The following RRM2B variants were observed in gnomAD, a reference collection of about 807,000 sequenced individuals.
RRM2B encodes ribonucleoside-diphosphate reductase subunit M2 B.
In RRM2B, 20 loss-of-function variants were observed where a neutral mutation model predicts 45.9. The observed-to-expected ratio is 0.44, with a 90% CI of 0.31 to 0.63. The LOEUF (loss-of-function observed/expected upper bound fraction) is 0.63. RRM2B is among the 30% of genes least tolerant of loss of function. RRM2B has a pLI of 0.09. For synonymous variants in RRM2B, 124 were observed against 132.3 expected (o/e 0.94, Z 0.43); for missense variants, 320 against 414.7 (o/e 0.77, Z 1.98).
chr8:102,230,926 A>C (rs761473918), intron 2 of RRM2B, among the ~76,000 whole-genome samples: 3 of 152,236 alleles, frequency 2.0e-5, no homozygotes, highest in Non-Finnish European at 4.4e-5. Context: ...TCCCAGTTCC[A>C]TAGCTAGTAA....
chr8:102,232,421 G>T, intron 1 of RRM2B, 117 bp from the exon 2 acceptor site: 1 of 1,004,422 alleles, frequency 1.0e-6, no homozygotes, highest in Non-Finnish European at 1.5e-6. Context: ...CTGTCTGCCT[G>T]GGTTGAATCC....
At chr8:102,237,606 A>C (rs1717133708) in intron 1 of RRM2B, among the ~76,000 whole-genome samples, 1 of 152,256 alleles carries the variant, frequency 6.6e-6, no homozygotes, top group South Asian at 2.1e-4. Context: ...TTCTGAATCT[A>C]AAATTCTGTC....
rs898115541 is a variant in RRM2B at position 102,212,644 on chromosome 8, A to G, written c.903+132T>C. ...GGATTTTGCAAAACCTTGTTCATAC[A>G]AAACAAGTCTCTGTCATTGACATTT... On this transcript the variant is annotated intron_variant, in intron 8 of 8. Transcript: ENST00000251810. The G allele has an allele frequency of 5.0e-6, 3 of 598,130 alleles. No individual in the cohort carries two copies. The African/African-American group carries it at 5.6e-5, about 11-fold the overall frequency. 37.1% of individuals were successfully genotyped at this position (598,130 alleles called of 1,614,324 possible). A position where few individuals can be genotyped will look rare whatever the true frequency, so the allele number is the denominator to read the frequency against.
At position 102,228,630 on chromosome 8, in the gene RRM2B, C is replaced by T. The variant is rs1385710848; in HGVS notation, c.205-2596G>A. Among the ~76,000 whole-genome samples the T allele has an allele frequency of 2.0e-5, 3 of 152,326 alleles. No individual in the cohort carries two copies. The East Asian group carries it at 5.8e-4, about 29-fold the overall frequency. ...GGGGCTTCAAGGGTTGTGGGTACTC[C>T]TCACAGATGCTGCCATGAGGCCTGC... On this transcript the variant is annotated intron_variant, in intron 2 of 8. Transcript: ENST00000251810.
chr8:102,208,045 G>T lies in RRM2B; in HGVS notation c.*88C>A. ...TTGAGCAAACCCCCAGTCCTTTAAA[G>T]GATATACTTAAAATTTTTTTTAAGC... On this transcript the variant is annotated 3_prime_UTR_variant, in exon 9 of 9. Coordinates refer to ENST00000251810, the MANE Select transcript of RRM2B (RefSeq NM_015713.5). 1 of 1,083,314 alleles carries T rather than the reference G, an allele frequency of 9.2e-7. No individual in the cohort carries two copies. Among genetic ancestry groups the T allele is most frequent in the Non-Finnish European group, 1.4e-6 (1 of 716,456 alleles). The allele number at this position is 1,083,314 out of a possible 1,614,324, so 67.1% of individuals were successfully genotyped here. A position where few individuals can be genotyped will look rare whatever the true frequency, so the allele number is the denominator to read the frequency against.
At chr8:102,211,280 G>A (rs1230909272) in intron 8 of RRM2B, among the ~76,000 whole-genome samples, 2 of 152,246 alleles carry the variant, frequency 1.3e-5, no homozygotes, top group Admixed American at 1.3e-4. Flanking sequence ...AGAGGTGTGA[G>A]CCACCGCACC....
chr8:102,208,251 T>C lies in RRM2B; in HGVS notation c.938A>G (p.Glu313Gly). ...TGTTTTTCCTTCTAAAGAAATGTTT[T>C]CCATAAAATCAAAAGGATTTTCTGC... ...FQAENPFDFM[E>G]NISLEGKTNF... The change falls in exon 9 of 9, where the codon GAA becomes GGA. Residue 313 changes from glutamate to glycine, a missense_variant. By Grantham distance (98) the Glu-to-Gly change is moderately conservative. Coordinates refer to ENST00000251810, the MANE Select transcript of RRM2B (RefSeq NM_015713.5). The C allele has an allele frequency of 1.3e-6, 2 of 1,585,456 alleles. No homozygotes were observed. The highest frequency in any genetic ancestry group is 1.3e-5 in the African/African-American group (1 of 74,302).
chr8:102,222,483 AGTGTG>A lies in RRM2B; in HGVS notation c.550+1558_550+1562del, dbSNP rs1230324265. Among the ~76,000 whole-genome samples, 21 of 152,220 alleles carry A rather than the reference AGTGTG, an allele frequency of 1.4e-4. 1 individual carries two copies. Among genetic ancestry groups the A allele is most frequent in the African/African-American group, 5.1e-4 (21 of 41,448 alleles). On this transcript the variant is annotated intron_variant, in intron 5 of 8. Transcript: ENST00000251810. ...ATACGCACTATATCACTGGTTCTTC[AGTGTG>A]GTCCAAGAGTCCCTGAGAGATCCAC...
chr8:102,217,551 A>G (rs1810752028), intron 6 of RRM2B, among the ~76,000 whole-genome samples: 1 of 152,214 alleles, frequency 6.6e-6, no homozygotes, highest in African/African-American at 2.4e-5. Flanking sequence ...CAAGGTTCAG[A>G]GAAGTTAAGG....
intron 2 of RRM2B, among the ~76,000 whole-genome samples, chr8:102,231,486 C>T (rs1391145980): frequency 6.6e-6 from 1 of 152,178 alleles, no homozygotes; most frequent in Non-Finnish European, 1.5e-5. Flanking sequence ...CATTTTTTGA[C>T]TACAGCTGCA....
At chr8:102,225,129 A>G (rs1374373569) in intron 3 of RRM2B, 111 bp from the exon 4 acceptor site, 1 of 1,070,434 alleles carries the variant, frequency 9.3e-7, no homozygotes, top group Admixed American at 1.9e-5. Context: ...GTCATGTAAC[A>G]AACAGGTCAG....
intron 1 of RRM2B, among the ~76,000 whole-genome samples, chr8:102,237,354 G>A (rs190369449): frequency 2.6e-5 from 4 of 152,134 alleles, no homozygotes; most frequent in Admixed American, 6.5e-5. Flanking sequence ...ACAGTGGGGG[G>A]TTTTTTGTTT....
In RRM2B at chr8:102,205,724, C is replaced by G. The variant is rs1017981106; in HGVS notation, c.*2409G>C. The stretch of plus-strand genomic sequence containing the variant: ...CACTCTTAATTTTTTTCTTTATCTG[C>G]AAGATAATATTTTTAAAAGATTACA... On this transcript the variant is annotated 3_prime_UTR_variant, in exon 9 of 9. Transcript: ENST00000251810. The G allele has an allele frequency of 6.6e-6, 1 of 151,958 alleles. No homozygotes were observed. Among genetic ancestry groups the G allele is most frequent in the Non-Finnish European group, 1.5e-5 (1 of 67,928 alleles). 9.4% of individuals were successfully genotyped at this position (151,958 alleles called of 1,614,324 possible).
intron 8 of RRM2B, among the ~76,000 whole-genome samples, chr8:102,210,292 T>C (rs1274148776): frequency 6.6e-6 from 1 of 152,126 alleles, no homozygotes; most frequent in African/African-American, 2.4e-5. Flanking sequence ...AGTGAGGGAA[T>C]ATTGGAGCTG....
chr8:102,233,105 G>A (rs1811060280), intron 1 of RRM2B, among the ~76,000 whole-genome samples: 1 of 152,178 alleles, frequency 6.6e-6, no homozygotes, highest in South Asian at 2.1e-4. Flanking sequence ...ATACAAATAA[G>A]CTAAACGTGT....
At position 102,232,473 on chromosome 8, in the gene RRM2B, G is replaced by C. The variant is rs187730329; in HGVS notation, c.49-169C>G. Among the ~76,000 whole-genome samples, 177 of 152,298 alleles carry C rather than the reference G, an allele frequency of 1.2e-3. No homozygotes were observed. The highest frequency in any genetic ancestry group is 3.4e-3 in the Middle Eastern group (1 of 294). On this transcript the variant is annotated intron_variant, in intron 1 of 8. Transcript: ENST00000251810. ...GCTGACTAATACTGTTAGGAAGTGC[G>C]TGTGTGACCATAGAAAGCTGCTTAA...
chr8:102,218,923 G>A lies in RRM2B; in HGVS notation c.575C>T (p.Ala192Val). ...TFGERVVAFAAVEGVFFSGSF... is the reference protein window; with the variant it reads ...TFGERVVAFAVVEGVFFSGSF... The stretch of plus-strand genomic sequence containing the variant: ...TCCTGAGAAGAAAACTCCTTCTACA[G>A]CAGCAAAGGCCACCACTCTTTCCCC... Residue 192 changes from alanine (A) to valine (V), a missense_variant, in exon 6 of 9, where the codon GCT becomes GTT. Physicochemically the swap from Ala to Val is moderately conservative, Grantham distance 64 (BLOSUM62 0). Around this residue, in one of 3 missense-constraint regions of RRM2B, gnomAD observed 225 missense variants for 289.4 expected, o/e 0.78. Coordinates refer to ENST00000251810, the MANE Select transcript of RRM2B (RefSeq NM_015713.5). 6.2e-7 allele frequency: 1 copy of A among 1,612,956 alleles called. No individual in the cohort carries two copies. The highest frequency in any genetic ancestry group is 8.5e-7 in the Non-Finnish European group (1 of 1,179,392).
intron 2 of RRM2B, among the ~76,000 whole-genome samples, chr8:102,226,512 G>T (rs769402149): frequency 6.6e-6 from 1 of 151,980 alleles, no homozygotes; most frequent in Non-Finnish European, 1.5e-5. Context: ...GCTAAAAGGG[G>T]AGGGGGGAGA....
chr8:102,208,078 A>T lies in RRM2B; in HGVS notation c.*55T>A. 1.3e-6 allele frequency: 2 copies of T among 1,501,828 alleles called. No homozygotes were observed. The highest frequency in any genetic ancestry group is 1.8e-6 in the Non-Finnish European group (2 of 1,087,076). 93.0% of individuals were successfully genotyped at this position (1,501,828 alleles called of 1,614,324 possible). A position where few individuals can be genotyped will look rare whatever the true frequency, so the allele number is the denominator to read the frequency against. On this transcript the variant is annotated 3_prime_UTR_variant, in exon 9 of 9. Coordinates refer to ENST00000251810, the MANE Select transcript of RRM2B (RefSeq NM_015713.5). Reference sequence around the variant, plus strand: ...TTAAAATTTTTTTTAAGCAGAGGAAAATAGACTACTATTTACCAATGACAA... The same window carrying T: ...TTAAAATTTTTTTTAAGCAGAGGAATATAGACTACTATTTACCAATGACAA...
Sources: allele counts gnomAD v4.1 joint callset (sites outside exome capture counted in the v4.1 genomes callset), GRCh38; gene constraint gnomAD v4.1.1; regional missense constraint gnomAD v4.1.1; transcripts MANE v1.5; gene names NCBI Gene and HGNC (gene_info 2026-07-23, HGNC 2026-07-21).